SEC24D: variants seen among roughly 807,000 people sequenced by gnomAD.
SEC24D encodes protein transport protein Sec24D.
A neutral mutation model predicts 116.9 loss-of-function variants in SEC24D; 69 were observed. The ratio of observed to expected loss-of-function variants is 0.59; its 90% CI spans 0.49 to 0.72. The LOEUF (loss-of-function observed/expected upper bound fraction) is 0.72. Among genes scored for constraint, SEC24D ranks in the 30% least tolerant of loss-of-function variants. The probability of loss-of-function intolerance (pLI) is 0.00; values close to 1 mark genes in which losing one functional copy is unlikely to be tolerated. For missense variants in SEC24D, 1,131 were observed against 1,264.1 expected, an observed-to-expected ratio of 0.89 and a Z score of 1.60; for synonymous variants, 405 against 442.8, an observed-to-expected ratio of 0.91 and a Z score of 1.07.
chr4:118,768,345 T>C, intron 8 of SEC24D, 34 bp from the exon 9 acceptor site: 1 of 1,589,382 alleles, frequency 6.3e-7, no homozygotes, highest in Non-Finnish European at 8.6e-7. Flanking sequence ...AATGAACAGG[T>C]GAGTATAGGA....
intron 13 of SEC24D, 52 bp from the exon 14 acceptor site, chr4:118,745,112 C>G (rs1273521142): frequency 1.1e-6 from 1 of 948,044 alleles, no homozygotes; most frequent in East Asian, 2.4e-5. Flanking sequence ...TGAGTAGGAA[C>G]ATTTTAAGAG....
chr4:118,732,886 T>C lies in SEC24D; in HGVS notation c.2523A>G (p.Val841=). The change falls in exon 20 of 23, where the codon GTA becomes GTG. Residue 841 remains valine, a synonymous_variant. Coordinates refer to ENST00000280551, the MANE Select transcript of SEC24D (RefSeq NM_014822.4). ...SQLILPDSMK[V]LPVYMNCLLK... ...ACAAGCAATTCATGTACACTGGCAA[T>C]ACTTTCATGGAATCTGGTAGAATAA... The C allele has an allele frequency of 6.2e-7, 1 of 1,613,892 alleles. No homozygotes were observed.
chr4:118,763,335 A>C (rs1051685748), intron 10 of SEC24D, among the ~76,000 whole-genome samples: 4 of 152,178 alleles, frequency 2.6e-5, no homozygotes, highest in African/African-American at 9.6e-5. Context: ...GCAATAAGTT[A>C]TGTTAATGGA....
intron 11 of SEC24D, among the ~76,000 whole-genome samples, chr4:118,756,017 C>G (rs994781416): frequency 6.6e-6 from 1 of 152,082 alleles, no homozygotes; most frequent in Non-Finnish European, 1.5e-5. Context: ...TATCAACAGG[C>G]TATTAGCTTC....
chr4:118,765,698 C>A (rs1322188570), intron 9 of SEC24D, among the ~76,000 whole-genome samples: 1 of 151,982 alleles, frequency 6.6e-6, no homozygotes, highest in African/African-American at 2.4e-5. Flanking sequence ...TTGTAAAGAA[C>A]AACATTGCCA....
rs116583673 is a variant in SEC24D, at chr4:118,783,281, A to G, written c.1041+14402T>C. Among the ~76,000 whole-genome samples the G allele has an allele frequency of 6.8e-3, 1,031 of 152,298 alleles. 5 individuals are homozygous for G. Among genetic ancestry groups the G allele is most frequent in the Non-Finnish European group, 0.012 (791 of 68,028 alleles). ...GAATTTAAATGACACTTTCTCAATC[A>G]GGCCTGCCCTGAATACCCTATTTAA... On this transcript the variant is annotated intron_variant, in intron 8 of 22. Coordinates refer to ENST00000280551, the MANE Select transcript of SEC24D (RefSeq NM_014822.4).
chr4:118,757,509 TTTC>T (rs1727159417), intron 11 of SEC24D, among the ~76,000 whole-genome samples: 1 of 152,234 alleles, frequency 6.6e-6, no homozygotes, highest in Non-Finnish European at 1.5e-5. Flanking sequence ...TACCATAGCA[TTTC>T]TTTTTATCAG....
intron 6 of SEC24D, among the ~76,000 whole-genome samples, chr4:118,810,124 G>GTT (rs1560737162): frequency 3.0e-4 from 39 of 131,256 alleles, no homozygotes; most frequent in African/African-American, 9.2e-4. Flanking sequence ...GTGTGTGTGT[G>GTT]TGTGTGTGTG....
chr4:118,741,060 A>C, intron 15 of SEC24D, 23 bp from the exon 16 acceptor site: 1 of 1,295,582 alleles, frequency 7.7e-7, no homozygotes, highest in Non-Finnish European at 1.1e-6. Context: ...AGTCTAATCA[A>C]TGTCCACCAG....
intron 20 of SEC24D, among the ~76,000 whole-genome samples, chr4:118,732,015 G>A (rs1486710027): frequency 7.1e-6 from 1 of 141,614 alleles, no homozygotes; most frequent in Non-Finnish European, 1.5e-5. Context: ...TGGGGAAAGG[G>A]AGAGTAACAG....
intron 9 of SEC24D, 94 bp from the exon 10 acceptor site, chr4:118,765,011 T>C (rs1205244660): frequency 1.4e-6 from 1 of 710,082 alleles, no homozygotes; most frequent in Non-Finnish European, 2.5e-6. Flanking sequence ...GGAAAGGAGT[T>C]AGTATCTGGA....
chr4:118,791,777 C>A (rs1231816116), intron 8 of SEC24D, among the ~76,000 whole-genome samples: 1 of 152,194 alleles, frequency 6.6e-6, no homozygotes, highest in Non-Finnish European at 1.5e-5. Flanking sequence ...CTGCCAGCCT[C>A]GGCCTCCCAA....
At chr4:118,829,579 G>T (rs973810803) in intron 2 of SEC24D, among the ~76,000 whole-genome samples, 1 of 152,124 alleles carries the variant, frequency 6.6e-6, no homozygotes, top group Non-Finnish European at 1.5e-5. Context: ...TTGAGAGGCC[G>T]AGGCGGGTGG....
chr4:118,820,220 G>A (rs1343362306), intron 3 of SEC24D, among the ~76,000 whole-genome samples: 3 of 138,804 alleles, frequency 2.2e-5, no homozygotes, highest in East Asian at 4.1e-4. Context: ...CGCTCTTGTC[G>A]CCCAGGCTGG....
intron 8 of SEC24D, among the ~76,000 whole-genome samples, chr4:118,768,872 A>C (rs1351587452): frequency 6.6e-6 from 1 of 152,246 alleles, no homozygotes; most frequent in Non-Finnish European, 1.5e-5. Context: ...CTATCTGCAT[A>C]TGCATATTTG....
In SEC24D at chr4:118,757,841, C is replaced by G. The variant is rs1372386011; in HGVS notation, c.1301G>C (p.Ser434Thr). 2 of 1,605,960 alleles carry G rather than the reference C, an allele frequency of 1.2e-6. No individual in the cohort carries two copies. Among genetic ancestry groups the G allele is most frequent in the Non-Finnish European group, 8.5e-7 (1 of 1,176,978 alleles). Residue 434 changes from serine to threonine, a missense_variant, in exon 11 of 23, where the codon AGT (serine) becomes ACT (threonine). Ser to Thr is a moderately conservative substitution (Grantham distance 58). Transcript: ENST00000280551. The part of the protein sequence containing the change: ...YVATLDYCRK[S>T]KPPNPPAFIF... Reference sequence around the variant, plus strand: ...AAAGGCTGGTGGGTTGGGAGGCTTACTCTTCTATAGGAAAGCAAACACATC... The same window carrying G: ...AAAGGCTGGTGGGTTGGGAGGCTTAGTCTTCTATAGGAAAGCAAACACATC...
chr4:118,797,960 G>T, intron 7 of SEC24D, 150 bp from the exon 8 acceptor site: 1 of 604,262 alleles, frequency 1.7e-6, no homozygotes, highest in Non-Finnish European at 2.6e-6. Flanking sequence ...TAAAAAAGTA[G>T]TATTGTGCAA....
At chr4:118,778,434 T>C (rs550232833) in intron 8 of SEC24D, among the ~76,000 whole-genome samples, 22 of 152,326 alleles carry the variant, frequency 1.4e-4, no homozygotes, top group Non-Finnish European at 2.9e-4. Flanking sequence ...TGGTGTTATT[T>C]CTGAGGCCTC....
intron 15 of SEC24D, among the ~76,000 whole-genome samples, chr4:118,743,362 C>T (rs931318520): frequency 6.6e-6 from 1 of 151,748 alleles, no homozygotes; most frequent in African/African-American, 2.4e-5. Context: ...TATATACACA[C>T]ACACACACAC....
Sources: allele counts gnomAD v4.1 joint callset (sites outside exome capture counted in the v4.1 genomes callset), GRCh38; gene constraint gnomAD v4.1.1; transcripts MANE v1.5; gene names NCBI Gene and HGNC (gene_info 2026-07-23, HGNC 2026-07-21).